The following MIER3 variants were observed in gnomAD, a reference collection of about 807,000 sequenced individuals.
MIER3 encodes the protein MIER family member 3, also known as mesoderm induction early response protein 3.
A neutral mutation model predicts 63.2 loss-of-function variants in MIER3; 9 were observed. The observed-to-expected ratio is 0.14, with a 90% CI of 0.09 to 0.25. The LOEUF (loss-of-function observed/expected upper bound fraction) is 0.25. MIER3 is among the 10% of genes least tolerant of loss of function. The pLI is 1.00. For missense variants in MIER3, 512 were observed against 666.2 expected, an observed-to-expected ratio of 0.77 and a Z score of 2.55; for synonymous variants, 205 against 224.9, an observed-to-expected ratio of 0.91 and a Z score of 0.79.
intron 7 of MIER3, among the ~76,000 whole-genome samples, chr5:56,934,890 A>G (rs1561238357): frequency 6.6e-6 from 1 of 152,202 alleles, no homozygotes; most frequent in Non-Finnish European, 1.5e-5. Flanking sequence ...TATCCCCTCC[A>G]TATTTTGAAA....
chr5:56,934,142 G>A (rs73136986), intron 7 of MIER3, among the ~76,000 whole-genome samples: 1 of 152,200 alleles, frequency 6.6e-6, no homozygotes, highest in African/African-American at 2.4e-5. Context: ...AGTGCAATCT[G>A]TTCTTCAAGT....
At chr5:56,950,037 A>G (rs532828014) in intron 2 of MIER3, among the ~76,000 whole-genome samples, 1 of 152,220 alleles carries the variant, frequency 6.6e-6, no homozygotes, top group Non-Finnish European at 1.5e-5. Flanking sequence ...TGACCTCAGG[A>G]AAGTTAAGAA....
At chr5:56,946,482 C>T (rs2112147628) in intron 3 of MIER3, among the ~76,000 whole-genome samples, 1 of 152,158 alleles carries the variant, frequency 6.6e-6, no homozygotes, top group African/African-American at 2.4e-5. Flanking sequence ...TTTGAAAATA[C>T]AGTAAATCTT....
intron 8 of MIER3, 144 bp from the exon 9 acceptor site, chr5:56,930,889 C>T: frequency 2.9e-6 from 2 of 680,990 alleles, no homozygotes; most frequent in Non-Finnish European, 5.0e-6. Flanking sequence ...GGTATATTTG[C>T]CCAAGCATTT....
chr5:56,936,783 G>GT (rs1750462475), intron 5 of MIER3: 1 of 152,016 alleles, frequency 6.6e-6, no homozygotes, highest in African/African-American at 2.4e-5. Context: ...GCCTCCCAAA[G>GT]TGTTGCAACC....
Position 56,923,481 on chromosome 5 carries a change from C to A in MIER3, c.1300G>T (p.Val434Leu), listed in dbSNP as rs1249397162. 6.2e-7 allele frequency: 1 copy of A among 1,614,064 alleles called. No homozygotes were observed. The highest frequency in any genetic ancestry group is 1.3e-5 in the African/African-American group (1 of 74,920). The part of the protein sequence containing the change: ...GNTPRGQVNH[V>L]PVVTEELLTL... ...AGTAACTCTTCTGTTACAACAGGCA[C>A]ATGATTAACTTGTCCACGGGGTGTG... Residue 434 changes from valine (V) to leucine (L), a missense_variant, in exon 13 of 13, where the codon GTG becomes TTG. Transcript: ENST00000381199.
rs1340880818 is a variant in MIER3 at position 56,919,969 on chromosome 5, GTGCTTT to G, written c.*3153_*3158del. The G allele has an allele frequency of 6.6e-6, 1 of 152,542 alleles. No individual in the cohort carries two copies. 9.4% of individuals were successfully genotyped at this position (152,542 alleles called of 1,614,324 possible). A position where few individuals can be genotyped will look rare whatever the true frequency, so the allele number is the denominator to read the frequency against. On this transcript the variant is annotated 3_prime_UTR_variant, in exon 13 of 13. Coordinates refer to ENST00000381199, the MANE Select transcript of MIER3 (RefSeq NM_001297599.2). ...ATTTCAATTTCCATTTGTAGACAAT[GTGCTTT>G]GAAACTCTGGGCAAACAATCTCCTT...
intron 4 of MIER3, 126 bp downstream of exon 4, chr5:56,938,757 C>T: frequency 1.6e-6 from 2 of 1,285,748 alleles, no homozygotes; most frequent in Non-Finnish European, 2.1e-6. Context: ...AAATCAGCCA[C>T]CAAAATAAGC....
intron 3 of MIER3, among the ~76,000 whole-genome samples, chr5:56,943,577 G>A (rs1750724850): frequency 6.6e-6 from 1 of 152,170 alleles, no homozygotes; most frequent in African/African-American, 2.4e-5. Context: ...GCATTAATAA[G>A]TTCAAGGGAT....
Position 56,940,546 on chromosome 5 carries a change from A to G in MIER3, c.181-1529T>C, listed in dbSNP as rs1251698037. Among the ~76,000 whole-genome samples the G allele has an allele frequency of 2.0e-5, 3 of 152,276 alleles. No homozygotes were observed. The East Asian group carries it at 5.8e-4, about 29-fold the overall frequency. Reference sequence around the variant, plus strand: ...TCTAACTAAAACAGATTTATGCTCAATGAACTTACAAACAGGTATATGATA... The same window carrying G: ...TCTAACTAAAACAGATTTATGCTCAGTGAACTTACAAACAGGTATATGATA... On this transcript the variant is annotated intron_variant, in intron 3 of 12. Transcript: ENST00000381199.
Position 56,937,567 on chromosome 5 carries a change from G to A in MIER3, c.436+11C>T, listed in dbSNP as rs1255816415. The A allele has an allele frequency of 1.3e-6, 2 of 1,592,582 alleles. No homozygotes were observed. The highest frequency in any genetic ancestry group is 2.7e-5 in the African/African-American group (2 of 74,186). On this transcript the variant is annotated intron_variant, in intron 5 of 12. Transcript: ENST00000381199. ...TGTTACTATTTATCAGTAATCCACTGGGTTTCTTACATCGTAAAGGCCTAG... is the reference window on the plus strand; with the variant it reads ...TGTTACTATTTATCAGTAATCCACTAGGTTTCTTACATCGTAAAGGCCTAG...
At chr5:56,951,092 CGCCCCTGGGGCCCGGGA>C (rs1751009367) in intron 1 of MIER3, among the ~76,000 whole-genome samples, 1 of 152,164 alleles carries the variant, frequency 6.6e-6, no homozygotes, top group Admixed American at 6.5e-5. Flanking sequence ...GCACCTAGTT[CGCCCCTGGGGCCCGGGA>C]GCCCCAACTC....
chr5:56,936,983 A>T (rs548820754), intron 5 of MIER3: 6 of 152,316 alleles, frequency 3.9e-5, no homozygotes, highest in African/African-American at 1.4e-4. Context: ...TTGTGGTCAA[A>T]CTAAGAATGA....
Position 56,923,560 on chromosome 5 carries a change from G to A in MIER3, c.1221C>T (p.Val407=). 1 of 1,613,992 alleles carries A rather than the reference G, an allele frequency of 6.2e-7. No individual in the cohort carries two copies. Among genetic ancestry groups the A allele is most frequent in the Non-Finnish European group, 8.5e-7 (1 of 1,179,908 alleles). The part of the protein sequence containing the change: ...LTALTNSVAT[V]CDPTDVNCLD... The stretch of plus-strand genomic sequence containing the variant: ...AACAATTCACATCTGTGGGGTCGCA[G>A]ACGGTTGCTACACTGTTGGTCAAAG... Residue 407 remains valine, a synonymous_variant, in exon 13 of 13, where the codon GTC becomes GTT. Coordinates refer to ENST00000381199, the MANE Select transcript of MIER3 (RefSeq NM_001297599.2).
chr5:56,944,050 A>G (rs1340102097), intron 3 of MIER3, among the ~76,000 whole-genome samples: 6 of 152,122 alleles, frequency 3.9e-5, no homozygotes, highest in Non-Finnish European at 8.8e-5. Flanking sequence ...TCTCACCTCC[A>G]TTTCCTCACA....
At chr5:56,952,137 C>T, upstream of MIER3, 2 of 1,232,550 alleles carry the variant, frequency 1.6e-6, no homozygotes, top group Non-Finnish European at 2.1e-6. Flanking sequence ...CAGCGCCGAG[C>T]CCAGTCCCCG....
At chr5:56,932,664 CAT>C (rs1444421227) in intron 8 of MIER3, among the ~76,000 whole-genome samples, 1 of 152,170 alleles carries the variant, frequency 6.6e-6, no homozygotes, top group Non-Finnish European at 1.5e-5. Context: ...CCCCATCCCA[CAT>C]GTGATCAGGA....
intron 5 of MIER3, chr5:56,936,860 T>C (rs974770794): frequency 1.3e-4 from 20 of 151,918 alleles, no homozygotes; most frequent in Admixed American, 9.2e-4. Flanking sequence ...CAAGAACTAA[T>C]AGGAAAAAGA....
chr5:56,929,946 G>C (rs1291000343), intron 9 of MIER3, among the ~76,000 whole-genome samples: 3 of 152,182 alleles, frequency 2.0e-5, no homozygotes, highest in Non-Finnish European at 4.4e-5. Context: ...CCAGTATTTT[G>C]AGAGTTTTGA....
Sources: gnomAD v4.1 joint callset for allele counts (sites outside exome capture counted in the v4.1 genomes callset) on GRCh38, gnomAD v4.1.1 for gene constraint, MANE v1.5 for transcripts, NCBI Gene and HGNC (gene_info 2026-07-23, HGNC 2026-07-21) for gene names.